Variants in RTN4RL1 observed in about 807,000 individuals in gnomAD.
The protein encoded by RTN4RL1 is reticulon 4 receptor like 1, also known as reticulon-4 receptor-like 1.
In RTN4RL1, 7 loss-of-function variants were observed where a neutral mutation model predicts 25.6. That is an observed-to-expected ratio of 0.27 (90% CI 0.16 to 0.51). The LOEUF is 0.51. RTN4RL1 is among the 20% of genes least tolerant of loss of function. The probability of loss-of-function intolerance (pLI) is 0.97; values close to 1 mark genes in which losing one functional copy is unlikely to be tolerated. For missense variants in RTN4RL1, 500 were observed against 615.6 expected (o/e 0.81, Z 1.99); for synonymous variants, 297 against 288.2 (o/e 1.03, Z -0.31).
intron 1 of RTN4RL1, among the ~76,000 whole-genome samples, chr17:1,953,400 C>G (rs1009941693): frequency 6.6e-6 from 1 of 151,966 alleles, no homozygotes; most frequent in African/African-American, 2.4e-5. Context: ...GAGATCCCGT[C>G]TCAAAAATTA....
At chr17:1,961,974 GA>G (rs1374949724) in intron 1 of RTN4RL1, among the ~76,000 whole-genome samples, 4 of 124,202 alleles carry the variant, frequency 3.2e-5, no homozygotes, top group African/African-American at 8.1e-5. Context: ...AGAAAAGAAA[GA>G]AAAGAAAGAA....
chr17:2,008,767 T>G (rs909937360), intron 1 of RTN4RL1, among the ~76,000 whole-genome samples: 2 of 152,086 alleles, frequency 1.3e-5, no homozygotes, highest in Non-Finnish European at 2.9e-5. Flanking sequence ...CTCCAGCCTT[T>G]CCAACCTTCC....
chr17:1,964,855 C>G (rs2066782826), intron 1 of RTN4RL1, among the ~76,000 whole-genome samples: 1 of 134,906 alleles, frequency 7.4e-6, no homozygotes, highest in African/African-American at 2.8e-5. Context: ...GTGGCGCAAT[C>G]TTGGCTCACT....
intron 1 of RTN4RL1, among the ~76,000 whole-genome samples, chr17:2,007,568 C>T (rs1567524322): frequency 6.6e-6 from 1 of 152,158 alleles, no homozygotes; most frequent in East Asian, 1.9e-4. Context: ...CTGCCAGATG[C>T]TGGCTGTGGC....
intron 1 of RTN4RL1, among the ~76,000 whole-genome samples, chr17:1,951,347 A>C (rs1459208454): frequency 1.3e-5 from 2 of 152,122 alleles, no homozygotes; most frequent in Admixed American, 6.6e-5. Context: ...GCTTTTGTGG[A>C]GGGGAAAGGA....
chr17:1,970,233 C>G (rs1489845461), intron 1 of RTN4RL1, among the ~76,000 whole-genome samples: 1 of 152,114 alleles, frequency 6.6e-6, no homozygotes. Flanking sequence ...GTTGGTCATG[C>G]TGGTCTCGAA....
At chr17:1,942,532 G>T (rs1021270873) in intron 1 of RTN4RL1, among the ~76,000 whole-genome samples, 7 of 152,084 alleles carry the variant, frequency 4.6e-5, no homozygotes, top group African/African-American at 1.4e-4. Context: ...CCATCCCCGT[G>T]CCACCTGCCA....
rs1041021471 is a variant in RTN4RL1, at chr17:1,998,074, C to A, written c.13+26779G>T. Among the ~76,000 whole-genome samples, 1 of 152,104 alleles carries A rather than the reference C, an allele frequency of 6.6e-6. No individual in the cohort carries two copies. The highest frequency in any genetic ancestry group is 1.5e-5 in the Non-Finnish European group (1 of 67,982). ...GCCCCAGGCCGCGATCGATCCCGGC[C>A]TCTCCCGGCCTCATTACCGAGGGAG... On this transcript the variant is annotated intron_variant, in intron 1 of 1. Coordinates refer to ENST00000331238, the MANE Select transcript of RTN4RL1 (RefSeq NM_178568.4). The surrounding 1 kb of genome is among the most constrained non-coding windows in gnomAD (Gnocchi z 4.9).
intron 1 of RTN4RL1, among the ~76,000 whole-genome samples, chr17:1,938,040 G>C (rs1915350269): frequency 6.6e-6 from 1 of 152,156 alleles, no homozygotes; most frequent in Non-Finnish European, 1.5e-5. Context: ...AGTCTGGGGT[G>C]AAGGCCCCAA....
intron 1 of RTN4RL1, among the ~76,000 whole-genome samples, chr17:1,956,642 A>G (rs1465638891): frequency 6.6e-6 from 1 of 152,016 alleles, no homozygotes; most frequent in Non-Finnish European, 1.5e-5. Context: ...GTTACAAATG[A>G]TCATGGCAGA....
chr17:2,007,875 G>A (rs1326711386), intron 1 of RTN4RL1, among the ~76,000 whole-genome samples: 2 of 152,092 alleles, frequency 1.3e-5, no homozygotes, highest in Admixed American at 6.6e-5. Flanking sequence ...GACCCTGGAA[G>A]GAGGAGGCTG....
At chr17:2,005,699 T>C (rs993973070) in intron 1 of RTN4RL1, among the ~76,000 whole-genome samples, 1 of 151,682 alleles carries the variant, frequency 6.6e-6, no homozygotes, top group Admixed American at 6.6e-5. Flanking sequence ...ACTGTTGCAC[T>C]CCAGCCTGGA....
In RTN4RL1 at chr17:1,935,520, C is replaced by T; in HGVS notation, c.*976G>A. On this transcript the variant is annotated 3_prime_UTR_variant, in exon 2 of 2. Coordinates refer to ENST00000331238, the MANE Select transcript of RTN4RL1 (RefSeq NM_178568.4). ...TCCCGCCGACACCTTGCCCCAGGCCCTTGGCAAGGCCAGGTCCCTTGGAGA... is the reference window on the plus strand; with the variant it reads ...TCCCGCCGACACCTTGCCCCAGGCCTTTGGCAAGGCCAGGTCCCTTGGAGA... 1.0e-6 allele frequency: 1 copy of T among 985,320 alleles called. No individual in the cohort carries two copies. The highest frequency in any genetic ancestry group is 6.1e-5 in the Admixed American group (1 of 16,270). The allele number at this position is 985,320 out of a possible 1,614,324, so 61.0% of individuals were successfully genotyped here.
intron 1 of RTN4RL1, among the ~76,000 whole-genome samples, chr17:1,944,441 C>T (rs1013499212): frequency 1.3e-5 from 2 of 152,112 alleles, no homozygotes; most frequent in African/African-American, 2.4e-5. Context: ...GCCTTCATTT[C>T]AGCTTCTCCG....
intron 1 of RTN4RL1, among the ~76,000 whole-genome samples, chr17:1,959,250 GCTGGGTGCTCAGA>G (rs1456483418): frequency 2.6e-5 from 4 of 152,232 alleles, no homozygotes; most frequent in Non-Finnish European, 5.9e-5. Context: ...CCTACTATGT[GCTGGGTGCTCAGA>G]CTCACCAGAG....
chr17:1,990,609 G>T (rs1166629677), intron 1 of RTN4RL1, among the ~76,000 whole-genome samples: 3 of 152,048 alleles, frequency 2.0e-5, no homozygotes, highest in African/African-American at 7.2e-5. Context: ...GCTGAGGTGG[G>T]AGGATCGCTT....
chr17:1,969,879 T>C (rs981533474), intron 1 of RTN4RL1, among the ~76,000 whole-genome samples: 17 of 152,284 alleles, frequency 1.1e-4, no homozygotes, highest in Admixed American at 2.6e-4. Flanking sequence ...GGTTCTTCTG[T>C]TGTTCTCACT....
intron 1 of RTN4RL1, among the ~76,000 whole-genome samples, chr17:2,005,777 TTTTTC>T (rs916947185): frequency 6.9e-6 from 1 of 145,892 alleles, no homozygotes; most frequent in Admixed American, 6.9e-5. Context: ...TTCTCTTTCT[TTTTTC>T]TTTTATTTTT....
chr17:1,959,075 C>T (rs1336696154), intron 1 of RTN4RL1, among the ~76,000 whole-genome samples: 3 of 152,218 alleles, frequency 2.0e-5, no homozygotes, highest in Non-Finnish European at 4.4e-5. Flanking sequence ...CGCTGGGCTC[C>T]CCCGGCCTCC....
Sources: allele counts gnomAD v4.1 joint callset (sites outside exome capture counted in the v4.1 genomes callset), GRCh38; gene constraint gnomAD v4.1.1; non-coding constraint Gnocchi (gnomAD v3.1); transcripts MANE v1.5; gene names NCBI Gene and HGNC (gene_info 2026-07-23, HGNC 2026-07-21).